Variants in FAF2 observed in about 807,000 individuals in gnomAD.
The protein encoded by FAF2 is FAS-associated factor 2.
Under a neutral mutation model 62.3 loss-of-function variants are expected in FAF2, and 9 were observed. The ratio of observed to expected loss-of-function variants is 0.14; its 90% CI spans 0.09 to 0.25. The LOEUF (loss-of-function observed/expected upper bound fraction) is 0.25. Ranked by LOEUF, FAF2 falls within the 10% of genes least tolerant of loss-of-function variation. The pLI is 1.00. For missense variants in FAF2, 368 were observed against 556.2 expected, an observed-to-expected ratio of 0.66 and a Z score of 3.40; for synonymous variants, 202 against 198.0, an observed-to-expected ratio of 1.02 and a Z score of -0.17.
intron 10 of FAF2, among the ~76,000 whole-genome samples, chr5:176,502,928 G>T (rs1476440266): frequency 6.6e-6 from 1 of 150,894 alleles, no homozygotes; most frequent in African/African-American, 2.4e-5. Flanking sequence ...AGTGCCAGTA[G>T]TCCCAGCTAC....
At chr5:176,459,507 T>G (rs994544276) in intron 1 of FAF2, among the ~76,000 whole-genome samples, 1 of 152,112 alleles carries the variant, frequency 6.6e-6, no homozygotes, top group African/African-American at 2.4e-5. Flanking sequence ...TCAAGCGATC[T>G]GCCTGCCTCA....
rs1277534479 is a variant in FAF2, at chr5:176,509,952, T to G, written c.*3002T>G. The G allele has an allele frequency of 6.5e-6, 1 of 152,686 alleles. No individual in the cohort carries two copies. The highest frequency in any genetic ancestry group is 2.4e-5 in the African/African-American group (1 of 41,462). 9.5% of individuals were successfully genotyped at this position (152,686 alleles called of 1,614,324 possible). A position where few individuals can be genotyped will look rare whatever the true frequency, so the allele number is the denominator to read the frequency against. ...CCACAAAGGATGCAGTGCCCCAACT[T>G]GTACTGCGCCTGAATAGTCATGTGA... On this transcript the variant is annotated 3_prime_UTR_variant, in exon 11 of 11. Transcript: ENST00000261942.
In FAF2 at chr5:176,496,552, T is replaced by C; in HGVS notation, c.728T>C (p.Met243Thr). 2 of 1,613,234 alleles carry C rather than the reference T, an allele frequency of 1.2e-6. No individual in the cohort carries two copies. The highest frequency in any genetic ancestry group is 1.7e-6 in the Non-Finnish European group (2 of 1,179,578). Residue 243 changes from methionine (M) to threonine (T), a missense_variant, in exon 8 of 11, where the codon ATG (methionine) becomes ACG (threonine). Transcript: ENST00000261942. ...ATGATTATGCTGAAGGATCGAAGGATGACTGTGGTGGGACGGCTAGAAGGC... is the reference window on the plus strand; with the variant it reads ...ATGATTATGCTGAAGGATCGAAGGACGACTGTGGTGGGACGGCTAGAAGGC... Reference protein sequence around the residue: ...LAMIMLKDRRMTVVGRLEGLI... With the variant: ...LAMIMLKDRRTTVVGRLEGLI...
At chr5:176,495,112 T>C (rs1759039087) in intron 7 of FAF2, among the ~76,000 whole-genome samples, 1 of 152,226 alleles carries the variant, frequency 6.6e-6, no homozygotes, top group Admixed American at 6.5e-5. Flanking sequence ...ACAATAACTC[T>C]TCTTTGGAGA....
rs113529427 is a variant in FAF2, at chr5:176,506,698, C to T, written c.1156-70C>T. On this transcript the variant is annotated intron_variant, in intron 10 of 10. Transcript: ENST00000261942. ...ATATTTGACTTCAGAGTTGTGTGTGCGTGTGTGCGTGTGTGTGTGTGTATT... is the reference window on the plus strand; with the variant it reads ...ATATTTGACTTCAGAGTTGTGTGTGTGTGTGTGCGTGTGTGTGTGTGTATT... 3.4e-5 allele frequency: 6 copies of T among 175,314 alleles called. No individual in the cohort carries two copies. In the East Asian group the frequency reaches 4.0e-4, roughly 12 times the overall value. 10.9% of individuals were successfully genotyped at this position (175,314 alleles called of 1,614,324 possible). A position where few individuals can be genotyped will look rare whatever the true frequency, so the allele number is the denominator to read the frequency against.
chr5:176,500,072 A>G lies in FAF2; in HGVS notation c.1081A>G (p.Ser361Gly), dbSNP rs1282844033. The G allele has an allele frequency of 2.5e-6, 4 of 1,614,204 alleles. No homozygotes were observed. The East Asian group carries it at 8.9e-5, about 36-fold the overall frequency. Residue 361 changes from serine to glycine, a missense_variant, in exon 10 of 11, where the codon AGT becomes GGT. By Grantham distance (56) the Ser-to-Gly change is moderately conservative (BLOSUM62 0). Coordinates refer to ENST00000261942, the MANE Select transcript of FAF2 (RefSeq NM_014613.3). ...TGAACCTTCCCCTGATGACCCTGAA[A>G]GTGTCAAGATCATCTTCAAATTACC... is the stretch of plus-strand genomic sequence containing the variant. ...PPEPSPDDPESVKIIFKLPND... is the reference protein window; with the variant it reads ...PPEPSPDDPEGVKIIFKLPND...
rs74720379 is a variant in FAF2, at chr5:176,491,643, C to T, written c.345-551C>T. 5.3e-4 allele frequency among the ~76,000 whole-genome samples: 81 copies of T among 152,244 alleles called. No homozygotes were observed. The East Asian group carries it at 0.014, about 25-fold the overall frequency. ...ATGACCTCTGTTCTAGAGCACTGTCCAGTAGAACTCTCTGTGATGATAGAA... is the reference window on the plus strand; with the variant it reads ...ATGACCTCTGTTCTAGAGCACTGTCTAGTAGAACTCTCTGTGATGATAGAA... On this transcript the variant is annotated intron_variant, in intron 4 of 10. Coordinates refer to ENST00000261942, the MANE Select transcript of FAF2 (RefSeq NM_014613.3).
intron 8 of FAF2, 105 bp from the exon 9 acceptor site, chr5:176,498,809 A>T: frequency 9.1e-7 from 1 of 1,095,500 alleles, no homozygotes; most frequent in South Asian, 3.1e-5. Flanking sequence ...TGCTAAGAAT[A>T]TCAACATTTT....
At chr5:176,499,119 C>G (rs781191858) in intron 9 of FAF2, 34 bp downstream of exon 9, 19 of 1,526,500 alleles carry the variant, frequency 1.2e-5, no homozygotes, top group Middle Eastern at 2.2e-4. Context: ...CCTGTGGTTC[C>G]CAAACTGCCG....
rs556108697 is a variant in FAF2 at position 176,495,357 on chromosome 5, A to G, written c.661+1082A>G. On this transcript the variant is annotated intron_variant, in intron 7 of 10. Coordinates refer to ENST00000261942, the MANE Select transcript of FAF2 (RefSeq NM_014613.3). ...TTCCTGCATGCGTTTTGCCATTCTAATATGGCTTTGCAGGGGGCAGAAGGG... is the reference window on the plus strand; with the variant it reads ...TTCCTGCATGCGTTTTGCCATTCTAGTATGGCTTTGCAGGGGGCAGAAGGG... Among the ~76,000 whole-genome samples, 3 of 152,298 alleles carry G rather than the reference A, an allele frequency of 2.0e-5. No homozygotes were observed. The South Asian group carries it at 6.2e-4, about 32-fold the overall frequency.
At chr5:176,462,068 G>T (rs1251935425) in intron 1 of FAF2, among the ~76,000 whole-genome samples, 1 of 152,132 alleles carries the variant, frequency 6.6e-6, no homozygotes, top group African/African-American at 2.4e-5. Context: ...CCCGAGGTCA[G>T]GAATTCGAGA....
At chr5:176,483,008 G>A (rs1335311544) in intron 2 of FAF2, among the ~76,000 whole-genome samples, 1 of 151,896 alleles carries the variant, frequency 6.6e-6, no homozygotes, top group East Asian at 1.9e-4. Context: ...GGGATTACAG[G>A]TGTGAGCCAC....
chr5:176,474,196 A>G (rs988387666), intron 1 of FAF2, among the ~76,000 whole-genome samples: 1 of 152,162 alleles, frequency 6.6e-6, no homozygotes, highest in African/African-American at 2.4e-5. Context: ...AATTCTATCC[A>G]TTACCACTCT....
At chr5:176,485,537 C>T (rs1250054959) in intron 2 of FAF2, among the ~76,000 whole-genome samples, 1 of 152,186 alleles carries the variant, frequency 6.6e-6, no homozygotes, top group African/African-American at 2.4e-5. Flanking sequence ...TTTTTTACTA[C>T]ATTGAGACAA....
chr5:176,503,429 C>T (rs1404244035), intron 10 of FAF2, among the ~76,000 whole-genome samples: 1 of 152,012 alleles, frequency 6.6e-6, no homozygotes, highest in East Asian at 1.9e-4. Context: ...ATGGCGTGGG[C>T]CTGTAATCCC....
chr5:176,488,582 C>A (rs940630640), intron 3 of FAF2, among the ~76,000 whole-genome samples: 2 of 151,848 alleles, frequency 1.3e-5, no homozygotes, highest in African/African-American at 2.4e-5. Flanking sequence ...GCCACCATGC[C>A]TGGCTAATTT....
intron 2 of FAF2, among the ~76,000 whole-genome samples, chr5:176,485,325 A>C (rs902796208): frequency 1.3e-5 from 2 of 152,232 alleles, no homozygotes; most frequent in Non-Finnish European, 2.9e-5. Context: ...TCAGTCTTCA[A>C]GTCAACTGAT....
At position 176,508,882 on chromosome 5, in the gene FAF2, C is replaced by G. The variant is rs943802194; in HGVS notation, c.*1932C>G. 6.6e-6 allele frequency: 1 copy of G among 152,178 alleles called. No individual in the cohort carries two copies. Among genetic ancestry groups the G allele is most frequent in the Non-Finnish European group, 1.5e-5 (1 of 68,026 alleles). The allele number at this position is 152,178 out of a possible 1,614,324, so 9.4% of individuals were successfully genotyped here. On this transcript the variant is annotated 3_prime_UTR_variant, in exon 11 of 11. Transcript: ENST00000261942. Reference sequence around the variant, plus strand: ...CCCCATCTGGAATTCACAGCTGTTCCCTGGCAGCACACAGGAGGGTATTAA... The same window carrying G: ...CCCCATCTGGAATTCACAGCTGTTCGCTGGCAGCACACAGGAGGGTATTAA...
intron 10 of FAF2, among the ~76,000 whole-genome samples, chr5:176,505,481 A>G (rs918622012): frequency 6.6e-6 from 1 of 152,128 alleles, no homozygotes; most frequent in Admixed American, 6.5e-5. Flanking sequence ...TTTTTTGTCC[A>G]TAGGTTATTG....
Sources: allele counts gnomAD v4.1 joint callset (sites outside exome capture counted in the v4.1 genomes callset), GRCh38; gene constraint gnomAD v4.1.1; transcripts MANE v1.5; gene names NCBI Gene and HGNC (gene_info 2026-07-23, HGNC 2026-07-21).